Variants in STXBP5 observed in about 807,000 individuals in gnomAD.
STXBP5 encodes the protein syntaxin-binding protein 5.
Under a neutral mutation model 152.4 loss-of-function variants are expected in STXBP5, and 50 were observed. That is an observed-to-expected ratio of 0.33 (90% CI 0.26 to 0.42). STXBP5 has a LOEUF of 0.42. Among genes scored for constraint, STXBP5 ranks in the 10% least tolerant of loss-of-function variants. The probability of loss-of-function intolerance (pLI) is 1.00; values close to 1 mark genes in which losing one functional copy is unlikely to be tolerated. For missense variants in STXBP5, 1,167 were observed against 1,388.6 expected (o/e 0.84, Z 2.54); for synonymous variants, 492 against 494.7 (o/e 0.99, Z 0.07).
At chr6:147,317,025 T>TACAG in intron 16 of STXBP5, among the ~76,000 whole-genome samples, 1 of 152,272 alleles carries the variant, frequency 6.6e-6, no homozygotes, top group African/African-American at 2.4e-5. Flanking sequence ...AAAAAGTACA[T>TACAG]GAAGACTATG....
In STXBP5 at chr6:147,327,212, T is replaced by C; in HGVS notation, c.2016T>C (p.Tyr672=). 3.7e-6 allele frequency: 6 copies of C among 1,614,146 alleles called. No homozygotes were observed. Among genetic ancestry groups the C allele is most frequent in the South Asian group, 1.1e-5 (1 of 91,080 alleles). Reference sequence around the variant, plus strand: ...TCAACCTGGGCACTATTGAATTATATGGCTCTAATGATCCTTATCGGAGAG... The same window carrying C: ...TCAACCTGGGCACTATTGAATTATACGGCTCTAATGATCCTTATCGGAGAG... The part of the protein sequence containing the change: ...VLLNLGTIEL[Y]GSNDPYRREP... Residue 672 remains tyrosine (Y), a synonymous_variant, in exon 18 of 28, where the codon TAT becomes TAC. Coordinates refer to ENST00000321680, the MANE Select transcript of STXBP5 (RefSeq NM_001127715.4).
chr6:147,338,615 A>G (rs1358111457), intron 19 of STXBP5, among the ~76,000 whole-genome samples: 1 of 151,864 alleles, frequency 6.6e-6, no homozygotes, highest in Non-Finnish European at 1.5e-5. Flanking sequence ...AATATTTCTT[A>G]CCTCCATAAA....
chr6:147,241,870 G>T (rs1406402606), intron 4 of STXBP5, among the ~76,000 whole-genome samples: 1 of 152,062 alleles, frequency 6.6e-6, no homozygotes, highest in Admixed American at 6.6e-5. Context: ...ACATATAATT[G>T]TGTACAGTAC....
intron 8 of STXBP5, among the ~76,000 whole-genome samples, chr6:147,280,543 A>G (rs182019932): frequency 6.6e-6 from 1 of 152,342 alleles, no homozygotes; most frequent in Admixed American, 6.5e-5. Context: ...ACAAGACTCT[A>G]TGAACATATT....
rs558627370 is a variant in STXBP5, at chr6:147,260,879, A to G, written c.566+130A>G. 2.5e-6 allele frequency: 3 copies of G among 1,184,804 alleles called. No homozygotes were observed. The South Asian group carries it at 5.0e-5, about 20-fold the overall frequency. The allele number at this position is 1,184,804 out of a possible 1,614,324, so 73.4% of individuals were successfully genotyped here. A position where few individuals can be genotyped will look rare whatever the true frequency, so the allele number is the denominator to read the frequency against. ...CAGATGTTCTTAATATTAAGTACAG[A>G]TTTATTAGTTTTTTATGAGTAGTAT... On this transcript the variant is annotated intron_variant, in intron 5 of 27. Coordinates refer to ENST00000321680, the MANE Select transcript of STXBP5 (RefSeq NM_001127715.4).
intron 16 of STXBP5, 79 bp from the exon 17 acceptor site, chr6:147,324,880 T>C (rs1012742959): frequency 8.1e-7 from 1 of 1,239,414 alleles, no homozygotes; most frequent in Non-Finnish European, 1.1e-6. Context: ...TAGTATCGTT[T>C]CATATAAAAA....
At chr6:147,297,338 T>C (rs1277834139) in intron 9 of STXBP5, among the ~76,000 whole-genome samples, 1 of 152,116 alleles carries the variant, frequency 6.6e-6, no homozygotes, top group African/African-American at 2.4e-5. Context: ...CAGCTAAGAA[T>C]ACTGTACCCA....
At chr6:147,278,233 C>T (rs1192533176) in intron 8 of STXBP5, 29 bp downstream of exon 8, 1 of 1,568,110 alleles carries the variant, frequency 6.4e-7, no homozygotes, top group Non-Finnish European at 8.7e-7. Context: ...TAAATACCAC[C>T]TAATTGTAAC....
chr6:147,237,048 T>C (rs1778312714), intron 3 of STXBP5, among the ~76,000 whole-genome samples: 1 of 152,130 alleles, frequency 6.6e-6, no homozygotes. Flanking sequence ...AGTGTTGGGA[T>C]TGTAGGTGTG....
intron 4 of STXBP5, among the ~76,000 whole-genome samples, chr6:147,244,078 A>G (rs1229789191): frequency 1.3e-5 from 2 of 152,224 alleles, no homozygotes; most frequent in Non-Finnish European, 2.9e-5. Context: ...AAGATAATAA[A>G]AATAAAAATA....
intron 1 of STXBP5, 88 bp from the exon 2 acceptor site, chr6:147,205,883 G>C (rs1157983019): frequency 6.2e-6 from 6 of 961,090 alleles, no homozygotes; most frequent in African/African-American, 4.9e-5. Flanking sequence ...AGTGGTAGTG[G>C]TTCTAAATTC....
chr6:147,348,317 A>G (rs924489007), intron 21 of STXBP5, among the ~76,000 whole-genome samples: 6 of 151,922 alleles, frequency 3.9e-5, no homozygotes, highest in Admixed American at 1.3e-4. Context: ...CAGACATCCT[A>G]GGATTTAAAT....
chr6:147,363,853 TGAG>T lies in STXBP5; in HGVS notation c.2916-144_2916-142del, dbSNP rs1215059253. The T allele has an allele frequency of 3.5e-5, 48 of 1,380,126 alleles. 1 individual carries two copies. Among genetic ancestry groups the T allele is most frequent in the Non-Finnish European group, 4.4e-5 (45 of 1,029,288 alleles). The allele number at this position is 1,380,126 out of a possible 1,614,324, so 85.5% of individuals were successfully genotyped here. A position where few individuals can be genotyped will look rare whatever the true frequency, so the allele number is the denominator to read the frequency against. The stretch of plus-strand genomic sequence containing the variant: ...ATTCTGTTAATAGTGAACAAGTATA[TGAG>T]GAGTATAAACCATTTTTTATCTCCC... On this transcript the variant is annotated intron_variant, in intron 24 of 27. Coordinates refer to ENST00000321680, the MANE Select transcript of STXBP5 (RefSeq NM_001127715.4).
intron 15 of STXBP5, 53 bp from the exon 16 acceptor site, chr6:147,316,176 T>TA (rs1782634586): frequency 6.5e-7 from 1 of 1,547,722 alleles, no homozygotes; most frequent in Non-Finnish European, 8.9e-7. Flanking sequence ...TAAATTGTGA[T>TA]AAAATGAGCA....
At chr6:147,234,494 A>G (rs191303462) in intron 2 of STXBP5, among the ~76,000 whole-genome samples, 2 of 152,004 alleles carry the variant, frequency 1.3e-5, no homozygotes, top group Non-Finnish European at 2.9e-5. Context: ...GGGGCAGGTT[A>G]CTTAATTTCT....
chr6:147,240,227 C>T (rs1182361908), intron 4 of STXBP5, among the ~76,000 whole-genome samples: 3 of 152,170 alleles, frequency 2.0e-5, no homozygotes, highest in Non-Finnish European at 4.4e-5. Flanking sequence ...CAGGCATGAG[C>T]CACCAAGCCT....
chr6:147,350,973 A>G (rs1582983191), intron 21 of STXBP5, among the ~76,000 whole-genome samples: 2 of 152,306 alleles, frequency 1.3e-5, no homozygotes, highest in East Asian at 3.9e-4. Flanking sequence ...GTTTCAGCTG[A>G]TTCCAAACCC....
chr6:147,361,002 A>G (rs1346882085), intron 23 of STXBP5, among the ~76,000 whole-genome samples: 1 of 152,202 alleles, frequency 6.6e-6, no homozygotes, highest in Non-Finnish European at 1.5e-5. Flanking sequence ...TTGCTCTATA[A>G]GTGCTTGAGT....
Position 147,311,497 on chromosome 6 carries a change from A to C in STXBP5, c.1115A>C (p.Asp372Ala). 6.2e-7 allele frequency: 1 copy of C among 1,612,500 alleles called. No individual in the cohort carries two copies. The highest frequency in any genetic ancestry group is 8.5e-7 in the Non-Finnish European group (1 of 1,179,180). The change falls in exon 11 of 28, where the codon GAT (aspartate) becomes GCT (alanine). Residue 372 changes from aspartate (D) to alanine (A), a missense_variant. Around this residue, in one of 3 missense-constraint regions of STXBP5, gnomAD observed 833 missense variants for 986.3 expected, o/e 0.84. Coordinates refer to ENST00000321680, the MANE Select transcript of STXBP5 (RefSeq NM_001127715.4). ...PYAVVVLLEK[D>A]LVLIDLAQNG... ...GCTGTGGTTGTTCTTCTAGAAAAGG[A>C]TTTAGTACTTATAGACCTTGCACAA...
Sources: allele counts gnomAD v4.1 joint callset (sites outside exome capture counted in the v4.1 genomes callset), GRCh38; gene constraint gnomAD v4.1.1; regional missense constraint gnomAD v4.1.1; transcripts MANE v1.5; gene names NCBI Gene and HGNC (gene_info 2026-07-23, HGNC 2026-07-21).